Variants in PPFIBP1 observed in about 807,000 individuals in gnomAD.
PPFIBP1 encodes the protein PPFIB scaffold protein 1, also known as liprin-beta-1.
PPFIBP1 carries 112 observed loss-of-function variants against 137.8 expected under a neutral mutation model. That is an observed-to-expected ratio of 0.81 (90% CI 0.70 to 0.95). The LOEUF is 0.95. Among genes scored for constraint, PPFIBP1 ranks in the 40% least tolerant of loss-of-function variants. PPFIBP1 has a pLI of 0.00. For missense variants in PPFIBP1, 1,083 were observed against 1,196.6 expected, an observed-to-expected ratio of 0.91 and a Z score of 1.40; for synonymous variants, 378 against 417.3, an observed-to-expected ratio of 0.91 and a Z score of 1.15.
chr12:27,573,089 T>C (rs2050272829), intron 1 of PPFIBP1, among the ~76,000 whole-genome samples: 1 of 152,222 alleles, frequency 6.6e-6, no homozygotes, highest in Non-Finnish European at 1.5e-5. Context: ...AAGCTTGTGA[T>C]TTGAATTTGC....
Position 27,672,484 on chromosome 12 carries a change from G to A in PPFIBP1, c.1319+1G>A. 1 of 1,598,254 alleles carries A rather than the reference G, an allele frequency of 6.3e-7. No homozygotes were observed. Among genetic ancestry groups the A allele is most frequent in the Non-Finnish European group, 8.6e-7 (1 of 1,166,436 alleles). On this transcript the variant is annotated splice_donor_variant, in intron 15 of 29. Transcript: ENST00000228425. LOFTEE classifies it high-confidence loss of function. ...ATACCCAACTGTGTGATAAACTTTT[G>A]TAAGTTACATTTTATTGAATGTGAA...
At chr12:27,683,386 A>G (rs955832832) in intron 24 of PPFIBP1, among the ~76,000 whole-genome samples, 1 of 152,190 alleles carries the variant, frequency 6.6e-6, no homozygotes, top group African/African-American at 2.4e-5. Context: ...TTTAAATAGA[A>G]TGTAGAATTT....
rs2060197646 is a variant in PPFIBP1 at position 27,671,491 on chromosome 12, G to A, written c.1207G>A (p.Glu403Lys). The stretch of plus-strand genomic sequence containing the variant: ...ATTATTGCCAGCAACTGTAAGCATG[G>A]AAACTTCTGAAAAATCAAAGTTGAC... Reference protein sequence around the residue: ...PSLLPATVSMETSEKSKLTPK... With the variant: ...PSLLPATVSMKTSEKSKLTPK... Residue 403 changes from glutamate to lysine, a missense_variant, in exon 14 of 30, where the codon GAA (glutamate) becomes AAA (lysine). Coordinates refer to ENST00000228425, the MANE Select transcript of PPFIBP1 (RefSeq NM_003622.4). The A allele has an allele frequency of 1.9e-6, 3 of 1,602,670 alleles. No homozygotes were observed. The highest frequency in any genetic ancestry group is 2.6e-6 in the Non-Finnish European group (3 of 1,175,772).
intron 2 of PPFIBP1, among the ~76,000 whole-genome samples, chr12:27,581,846 C>A (rs932371939): frequency 1.3e-5 from 2 of 151,732 alleles, no homozygotes; most frequent in African/African-American, 4.9e-5. Flanking sequence ...AAAATGTTTT[C>A]TTTTCCATTT....
chr12:27,574,055 A>G (rs770420062), intron 1 of PPFIBP1, among the ~76,000 whole-genome samples: 1 of 151,970 alleles, frequency 6.6e-6, no homozygotes, highest in Non-Finnish European at 1.5e-5. Context: ...GTGATGAGTA[A>G]TTTAGTGCTA....
At chr12:27,612,705 A>G (rs2055275909) in intron 2 of PPFIBP1, among the ~76,000 whole-genome samples, 1 of 152,066 alleles carries the variant, frequency 6.6e-6, no homozygotes. Context: ...TCATGTGCTA[A>G]TGTGACTGCT....
intron 2 of PPFIBP1, among the ~76,000 whole-genome samples, chr12:27,602,403 TCTATCAC>T (rs1166840783): frequency 3.9e-5 from 6 of 152,212 alleles, no homozygotes; most frequent in Non-Finnish European, 5.9e-5. Flanking sequence ...TATTAACACA[TCTATCAC>T]CTCACTGTGT....
At chr12:27,688,086 T>TA (rs58069791) in intron 25 of PPFIBP1, 18,850 of 460,368 alleles carry the variant, frequency 0.041, 69 homozygotes, top group Non-Finnish European at 0.05. Context: ...GACCCTGTCT[T>TA]AAAAAAAAAA....
At chr12:27,566,791 A>G (rs1238262704) in intron 1 of PPFIBP1, among the ~76,000 whole-genome samples, 1 of 152,236 alleles carries the variant, frequency 6.6e-6, no homozygotes, top group Non-Finnish European at 1.5e-5. Flanking sequence ...CCACACGGTC[A>G]GCAAGTACTG....
At chr12:27,617,117 G>A (rs935053076) in intron 2 of PPFIBP1, among the ~76,000 whole-genome samples, 1 of 152,190 alleles carries the variant, frequency 6.6e-6, no homozygotes, top group African/African-American at 2.4e-5. Flanking sequence ...GGCAGGAATT[G>A]AAGCATCCTT....
chr12:27,678,782 A>G (rs149833266), intron 19 of PPFIBP1, among the ~76,000 whole-genome samples: 2,347 of 146,294 alleles, frequency 0.016, 24 homozygotes, highest in Non-Finnish European at 0.024. Flanking sequence ...GCTTGAACCC[A>G]GTAGGCGGAG....
chr12:27,571,827 G>A (rs1209443466), intron 1 of PPFIBP1, among the ~76,000 whole-genome samples: 2 of 152,162 alleles, frequency 1.3e-5, no homozygotes, highest in Non-Finnish European at 2.9e-5. Context: ...GATATTTGCA[G>A]TAACACATTG....
intron 4 of PPFIBP1, chr12:27,637,386 C>T (rs867315797): frequency 1.3e-5 from 2 of 152,196 alleles, no homozygotes; most frequent in Middle Eastern, 6.8e-3. Context: ...TTTTCAGTTG[C>T]TTTGTGTCTT....
intron 1 of PPFIBP1, among the ~76,000 whole-genome samples, chr12:27,530,983 T>C (rs1203633734): frequency 2.0e-5 from 3 of 152,152 alleles, no homozygotes; most frequent in Non-Finnish European, 4.4e-5. Context: ...GTGAGAAAAA[T>C]AAAATCTCTA....
chr12:27,664,483 G>A, intron 12 of PPFIBP1, 37 bp downstream of exon 12: 1 of 1,385,722 alleles, frequency 7.2e-7, no homozygotes, highest in Non-Finnish European at 1.0e-6. Flanking sequence ...TACTTTGGTT[G>A]ACTCTAAGTG....
At chr12:27,545,913 C>T (rs1024157929) in intron 1 of PPFIBP1, among the ~76,000 whole-genome samples, 3 of 152,172 alleles carry the variant, frequency 2.0e-5, no homozygotes, top group Admixed American at 6.5e-5. Context: ...ACACGGTAGT[C>T]GTATAACTTG....
chr12:27,682,558 T>C (rs2060936657), intron 23 of PPFIBP1, 57 bp from the exon 24 acceptor site: 1 of 1,609,260 alleles, frequency 6.2e-7, no homozygotes, highest in Non-Finnish European at 8.5e-7. Flanking sequence ...TTTTTCTTTT[T>C]AATCACAAGA....
rs2140406281 is a variant in PPFIBP1 at position 27,683,275 on chromosome 12, A to G, written c.2247+572A>G. ...GAGACGGAGTTTCGCCATGTTGGCC[A>G]GCTGGTCTCAAACTCCTGACCTCAA... On this transcript the variant is annotated intron_variant, in intron 24 of 29. Transcript: ENST00000228425. 2.0e-5 allele frequency among the ~76,000 whole-genome samples: 3 copies of G among 152,282 alleles called. No individual in the cohort carries two copies. In the South Asian group the frequency reaches 6.2e-4, roughly 32 times the overall value.
At chr12:27,594,291 C>T (rs2052923612) in intron 2 of PPFIBP1, among the ~76,000 whole-genome samples, 1 of 149,724 alleles carries the variant, frequency 6.7e-6, no homozygotes, top group African/African-American at 2.5e-5. Context: ...GATTCTTCTG[C>T]CTCAGCCTCC....
Sources: allele counts gnomAD v4.1 joint callset (sites outside exome capture counted in the v4.1 genomes callset), GRCh38; gene constraint gnomAD v4.1.1; transcripts MANE v1.5; gene names NCBI Gene and HGNC (gene_info 2026-07-23, HGNC 2026-07-21).